The following DNAH1 variants were observed in gnomAD, a reference collection of about 807,000 sequenced individuals.
The protein encoded by DNAH1 is axonemal beta dynein heavy chain 1.
A neutral mutation model predicts 484.3 loss-of-function variants in DNAH1; 327 were observed. The ratio of observed to expected loss-of-function variants is 0.68; its 90% CI spans 0.62 to 0.74. DNAH1 has a LOEUF of 0.74. DNAH1 is among the 30% of genes least tolerant of loss of function. DNAH1 has a pLI of 0.00. For synonymous variants in DNAH1, 2,192 were observed against 2,191.9 expected (o/e 1.00, Z 0.00); for missense variants, 5,052 against 5,546.8 (o/e 0.91, Z 2.83).
Position 52,400,459 on chromosome 3 carries a change from G to A in DNAH1, c.*13G>A. ...CCTGGACTACTAGACTCAGACAGAA[G>A]GGCTGGGGCCATTAAAGCTGAATTT... On this transcript the variant is annotated 3_prime_UTR_variant, in exon 78 of 78. Coordinates refer to ENST00000420323, the MANE Select transcript of DNAH1 (RefSeq NM_015512.5). The A allele has an allele frequency of 6.2e-7, 1 of 1,613,942 alleles. No homozygotes were observed. The highest frequency in any genetic ancestry group is 8.5e-7 in the Non-Finnish European group (1 of 1,179,818).
chr3:52,358,877 T>C lies in DNAH1; in HGVS notation c.4266+140T>C, dbSNP rs747597814. On this transcript the variant is annotated intron_variant, in intron 25 of 77. Coordinates refer to ENST00000420323, the MANE Select transcript of DNAH1 (RefSeq NM_015512.5). The surrounding 1 kb of genome is among the most constrained non-coding windows in gnomAD (Gnocchi z 4.2). ...GGCTCAGGCGGGATTCTGGAGTCTT[T>C]CCTTTCCACACACACTCCAGAAAGT... 1.4e-5 allele frequency: 14 copies of C among 983,510 alleles called. No individual in the cohort carries two copies. Among genetic ancestry groups the C allele is most frequent in the African/African-American group, 3.3e-5 (2 of 60,294 alleles). The allele number at this position is 983,510 out of a possible 1,614,324, so 60.9% of individuals were successfully genotyped here. A position where few individuals can be genotyped will look rare whatever the true frequency, so the allele number is the denominator to read the frequency against.
Position 52,399,737 on chromosome 3 carries a change from G to A in DNAH1, c.12634G>A (p.Asp4212Asn). ...ACCCAACCGCAAGGCCCAGGACCAGGACTTTTACCTGTGCCCCATCTACAA... is the reference window on the plus strand; with the variant it reads ...ACCCAACCGCAAGGCCCAGGACCAGAACTTTTACCTGTGCCCCATCTACAA... ...PTPNRKAQDQ[D>N]FYLCPIYKTL... Residue 4212 changes from aspartate (D) to asparagine (N), a missense_variant, in exon 77 of 78, where the codon GAC becomes AAC. Around this residue, in one of 4 missense-constraint regions of DNAH1, gnomAD observed 853 missense variants for 899.0 expected, o/e 0.95. Coordinates refer to ENST00000420323, the MANE Select transcript of DNAH1 (RefSeq NM_015512.5). 1 of 1,614,012 alleles carries A rather than the reference G, an allele frequency of 6.2e-7. No homozygotes were observed. Among genetic ancestry groups the A allele is most frequent in the Non-Finnish European group, 8.5e-7 (1 of 1,179,890 alleles).
At chr3:52,375,734 G>A (rs1305280780) in intron 45 of DNAH1, among the ~76,000 whole-genome samples, 2 of 152,126 alleles carry the variant, frequency 1.3e-5, no homozygotes, top group African/African-American at 2.4e-5. Flanking sequence ...ACATACATAC[G>A]TATACGTTAG....
upstream of DNAH1, among the ~76,000 whole-genome samples, chr3:52,313,429 A>G (rs527999293): frequency 2.4e-4 from 37 of 152,224 alleles, no homozygotes; most frequent in African/African-American, 8.4e-4. Context: ...TCTTTGTCTC[A>G]TGGTCTTTTC....
In DNAH1 at chr3:52,383,598, C is replaced by T. The variant is rs1578183880; in HGVS notation, c.8150+4C>T. The T allele has an allele frequency of 3.8e-6, 6 of 1,567,592 alleles. No homozygotes were observed. Among genetic ancestry groups the T allele is most frequent in the East Asian group, 4.7e-5 (2 of 42,578 alleles). ...TCCACATGGTGCTGTGCATGAGGTA[C>T]AGGCAGCTGTCGCCAGGCTGCGCTG... On this transcript the variant is annotated splice_donor_region_variant and intron_variant, in intron 51 of 77. Transcript: ENST00000420323.
Position 52,349,423 on chromosome 3 carries a change from A to G in DNAH1, c.2526+3A>G, listed in dbSNP as rs956620966. The G allele has an allele frequency of 5.0e-6, 8 of 1,613,152 alleles. No individual in the cohort carries two copies. The highest frequency in any genetic ancestry group is 6.8e-6 in the Non-Finnish European group (8 of 1,179,512). On this transcript the variant is annotated splice_donor_region_variant and intron_variant, in intron 14 of 77. Transcript: ENST00000420323. Reference sequence around the variant, plus strand: ...ACCTGCATAAGGAGGTGGATAGCGTAAGTGCCCACCTGCCCCGCCTCAGTG... The same window carrying G: ...ACCTGCATAAGGAGGTGGATAGCGTGAGTGCCCACCTGCCCCGCCTCAGTG...
In DNAH1 at chr3:52,389,579, C is replaced by T. The variant is rs868487606; in HGVS notation, c.9614C>T (p.Ser3205Leu). 4 of 1,491,560 alleles carry T rather than the reference C, an allele frequency of 2.7e-6. No homozygotes were observed. Among genetic ancestry groups the T allele is most frequent in the Admixed American group, 2.4e-5 (1 of 41,250 alleles). The allele number at this position is 1,491,560 out of a possible 1,614,324, so 92.4% of individuals were successfully genotyped here. ...GTLGNPVKIR[S>L]WQIAGLPNDT... ...CTGGGGAACCCTGTGAAGATCCGAT[C>T]GTGGCAGGTGCCCACCCCAGGGGCA... Residue 3205 changes from serine (S) to leucine (L), a missense_variant, in exon 60 of 78, where the codon TCG becomes TTG. Physicochemically the swap from Ser to Leu is moderately radical, Grantham distance 145. This residue lies in a region of DNAH1 where 2,929 missense variants were observed against 3,409.4 expected (regional missense o/e 0.86). Coordinates refer to ENST00000420323, the MANE Select transcript of DNAH1 (RefSeq NM_015512.5).
Position 52,352,924 on chromosome 3 carries a change from G to A in DNAH1, c.3028-179G>A, listed in dbSNP as rs962333874. ...CCCAGGTCTGGTGCAACAGCTCAGA[G>A]CCCAGATCTCAGGTGGGAAGAGAAG... On this transcript the variant is annotated intron_variant, in intron 18 of 77. Coordinates refer to ENST00000420323, the MANE Select transcript of DNAH1 (RefSeq NM_015512.5). Among the ~76,000 whole-genome samples the A allele has an allele frequency of 9.8e-5, 15 of 152,318 alleles. 1 individual carries two copies. The South Asian group carries it at 1.0e-3, about 11-fold the overall frequency.
In DNAH1 at chr3:52,398,025, C is replaced by G. The variant is rs767603395; in HGVS notation, c.11959-7C>G. 15 of 1,612,468 alleles carry G rather than the reference C, an allele frequency of 9.3e-6. No homozygotes were observed. The Admixed American group carries it at 2.0e-4, about 22-fold the overall frequency. ...CTTGACCCCACAGTATTCCTTTGCCCCTGCAGATAGTGGAGGACGTCACCC... is the reference window on the plus strand; with the variant it reads ...CTTGACCCCACAGTATTCCTTTGCCGCTGCAGATAGTGGAGGACGTCACCC... On this transcript the variant is annotated splice_polypyrimidine_tract_variant and splice_region_variant and intron_variant, in intron 74 of 77. Coordinates refer to ENST00000420323, the MANE Select transcript of DNAH1 (RefSeq NM_015512.5).
intron 34 of DNAH1, among the ~76,000 whole-genome samples, chr3:52,365,447 G>A (rs1703034103): frequency 1.3e-5 from 2 of 152,228 alleles, no homozygotes; most frequent in Admixed American, 6.5e-5. Context: ...CACGTTCCTT[G>A]TTGAGTGACA....
intron 1 of DNAH1, among the ~76,000 whole-genome samples, chr3:52,318,923 T>TGTTGAATC (rs1308917352): frequency 6.6e-6 from 1 of 152,202 alleles, no homozygotes; most frequent in East Asian, 1.9e-4. Context: ...GCAGGATCCT[T>TGTTGAATC]GTTGAATCGG....
Position 52,381,853 on chromosome 3 carries a change from C to T in DNAH1, c.7805+17C>T, listed in dbSNP as rs747302291. ...CTCGCACATGTGAGCGCCTCCAGGG[C>T]GTGCTGGGCAGTGGGCGGCCAGGGC... On this transcript the variant is annotated intron_variant, in intron 49 of 77. Coordinates refer to ENST00000420323, the MANE Select transcript of DNAH1 (RefSeq NM_015512.5). The surrounding 1 kb of genome is among the most constrained non-coding windows in gnomAD (Gnocchi z 4.1). 13 of 1,558,594 alleles carry T rather than the reference C, an allele frequency of 8.3e-6. No homozygotes were observed. The highest frequency in any genetic ancestry group is 3.8e-5 in the Admixed American group (2 of 53,216).
chr3:52,383,330 G>A, intron 50 of DNAH1, 56 bp from the exon 51 acceptor site: 3 of 1,493,228 alleles, frequency 2.0e-6, no homozygotes, highest in Non-Finnish European at 2.8e-6. Flanking sequence ...GCGAGACTGT[G>A]GTCATATAGT....
Position 52,384,781 on chromosome 3 carries a change from C to G in DNAH1, c.8323-5C>G, listed in dbSNP as rs773127947. The G allele has an allele frequency of 6.3e-7, 1 of 1,596,708 alleles. No homozygotes were observed. Among genetic ancestry groups the G allele is most frequent in the African/African-American group, 1.3e-5 (1 of 74,414 alleles). ...AGGCCGGCATCCATGGTCTTCCTCC[C>G]CCAGATCCAGGTCTGTGTGTACATC... On this transcript the variant is annotated splice_polypyrimidine_tract_variant and splice_region_variant and intron_variant, in intron 52 of 77. Transcript: ENST00000420323.
rs372783028 is a variant in DNAH1, at chr3:52,391,521, A to C, written c.9970A>C (p.Ile3324Leu). ...CTACCATGAGGACTTCAGGATGTAC[A>C]TCACCACCAAGCTGCCCAACCCACA... ...IPYHEDFRMY[I>L]TTKLPNPHYT... The change falls in exon 63 of 78, where the codon ATC (isoleucine) becomes CTC (leucine). Residue 3324 changes from isoleucine to leucine, a missense_variant. By Grantham distance (5) the Ile-to-Leu change is conservative. Coordinates refer to ENST00000420323, the MANE Select transcript of DNAH1 (RefSeq NM_015512.5). 2 of 1,613,594 alleles carry C rather than the reference A, an allele frequency of 1.2e-6. No homozygotes were observed. The highest frequency in any genetic ancestry group is 1.3e-5 in the African/African-American group (1 of 74,826).
At position 52,378,630 on chromosome 3, in the gene DNAH1, G is replaced by A. The variant is rs776100134; in HGVS notation, c.7227G>A (p.Thr2409=). 13 of 1,613,444 alleles carry A rather than the reference G, an allele frequency of 8.1e-6. No homozygotes were observed. Among genetic ancestry groups the A allele is most frequent in the Middle Eastern group, 1.7e-4 (1 of 6,060 alleles). ...VPGAPHIAHF[T]EPLVEATIMV... is the part of the protein sequence containing the mutation. ...GGGCCCCCCACATTGCCCACTTCAC[G>A]GAGCCCCTTGTGGAAGCCACCATCA... The change falls in exon 47 of 78, where the codon ACG becomes ACA. Residue 2409 remains threonine, a synonymous_variant. Coordinates refer to ENST00000420323, the MANE Select transcript of DNAH1 (RefSeq NM_015512.5).
chr3:52,381,914 A>G lies in DNAH1; in HGVS notation c.7805+78A>G, dbSNP rs951596928. On this transcript the variant is annotated intron_variant, in intron 49 of 77. Transcript: ENST00000420323. This position sits in a 1 kb window ranked among gnomAD's most constrained non-coding sequence, Gnocchi z 4.1. ...GTTTGACTGACCCATGCTTTTGCAC[A>G]GTGGTAGAGGCCTCGGGCAACCCTG... 59 of 1,462,416 alleles carry G rather than the reference A, an allele frequency of 4.0e-5. No homozygotes were observed. The highest frequency in any genetic ancestry group is 5.1e-5 in the Non-Finnish European group (56 of 1,091,806). The allele number at this position is 1,462,416 out of a possible 1,614,324, so 90.6% of individuals were successfully genotyped here.
intron 40 of DNAH1, 26 bp downstream of exon 40, chr3:52,370,661 C>T (rs1164079964): frequency 6.2e-7 from 1 of 1,602,486 alleles, no homozygotes; most frequent in Non-Finnish European, 8.5e-7. Flanking sequence ...CCCCAGGGAC[C>T]AGGAGCCTCA....
Position 52,353,231 on chromosome 3 carries a change from G to A in DNAH1, c.3156G>A (p.Gln1052=). Residue 1052 remains glutamine, a synonymous_variant, in exon 19 of 78, where the codon CAG becomes CAA. Coordinates refer to ENST00000420323, the MANE Select transcript of DNAH1 (RefSeq NM_015512.5). The surrounding 1 kb of genome is among the most constrained non-coding windows in gnomAD (Gnocchi z 5.0). ...CCCTCTCTGCCATCGATGCTGAGCAGCTGGAGAAGAACGTGGTTGAAGCCT... is the reference window on the plus strand; with the variant it reads ...CCCTCTCTGCCATCGATGCTGAGCAACTGGAGAAGAACGTGGTTGAAGCCT... ...NDPLSAIDAE[Q]LEKNVVEAFK... is the part of the protein sequence containing the mutation. 6.2e-7 allele frequency: 1 copy of A among 1,614,010 alleles called. No homozygotes were observed. The highest frequency in any genetic ancestry group is 1.7e-5 in the Admixed American group (1 of 60,022).
Sources: gnomAD v4.1 joint callset for allele counts (sites outside exome capture counted in the v4.1 genomes callset) on GRCh38, gnomAD v4.1.1 for gene constraint, gnomAD v4.1.1 regional missense constraint, Gnocchi (gnomAD v3.1) non-coding constraint, MANE v1.5 for transcripts, NCBI Gene and HGNC (gene_info 2026-07-23, HGNC 2026-07-21) for gene names.